ZNF804B: variants seen among roughly 807,000 people sequenced by gnomAD.
The protein encoded by ZNF804B is zinc finger protein 804B, also known as zinc finger 804B.
ZNF804B carries 80 observed loss-of-function variants against 101.4 expected under a neutral mutation model. The ratio of observed to expected loss-of-function variants is 0.79; its 90% CI spans 0.66 to 0.95. The LOEUF is 0.95. ZNF804B is among the 40% of genes least tolerant of loss of function. The pLI is 0.00. For synonymous variants in ZNF804B, 622 were observed against 558.8 expected, an observed-to-expected ratio of 1.11 and a Z score of -1.59; for missense variants, 1,673 against 1,561.9, an observed-to-expected ratio of 1.07 and a Z score of -1.20.
intron 1 of ZNF804B, among the ~76,000 whole-genome samples, chr7:89,128,504 T>C (rs1290858235): frequency 1.3e-5 from 2 of 152,008 alleles, no homozygotes; most frequent in African/African-American, 4.8e-5. Flanking sequence ...ACAAGAATGT[T>C]TTTTTCTTTC....
chr7:89,252,966 T>G (rs1394382782), intron 2 of ZNF804B, among the ~76,000 whole-genome samples: 1 of 152,190 alleles, frequency 6.6e-6, no homozygotes, highest in Non-Finnish European at 1.5e-5. Context: ...CCAAACCTCA[T>G]GTGTCAGATA....
In ZNF804B at chr7:88,891,538, C is replaced by T. The variant is rs180766740; in HGVS notation, c.108+131454C>T. Among the ~76,000 whole-genome samples the T allele has an allele frequency of 7.5e-4, 114 of 151,920 alleles. 1 individual carries two copies. Among genetic ancestry groups the T allele is most frequent in the Non-Finnish European group, 9.3e-4 (63 of 67,942 alleles). ...CTCTTTAACTTGAAGTATTTATTGC[C>T]TTTACCTCGTTTGAATTATAAATTT... On this transcript the variant is annotated intron_variant, in intron 1 of 3. Transcript: ENST00000333190.
At chr7:88,788,028 C>T (rs926298370) in intron 1 of ZNF804B, among the ~76,000 whole-genome samples, 2 of 151,884 alleles carry the variant, frequency 1.3e-5, no homozygotes, top group Admixed American at 6.6e-5. Context: ...ACTTAGCAGC[C>T]GTTTGGAGAG....
At chr7:89,038,188 G>A (rs1178797264) in intron 1 of ZNF804B, among the ~76,000 whole-genome samples, 1 of 152,120 alleles carries the variant, frequency 6.6e-6, no homozygotes, top group East Asian at 1.9e-4. Context: ...TACTTTAGAT[G>A]TATCCTCAGA....
rs1303497038 is a variant in ZNF804B at position 89,084,174 on chromosome 7, C to T, written c.109-133981C>T. On this transcript the variant is annotated intron_variant, in intron 1 of 3. Coordinates refer to ENST00000333190, the MANE Select transcript of ZNF804B (RefSeq NM_181646.5). The stretch of plus-strand genomic sequence containing the variant: ...GGATTTTCTCAACTGTAGCAATGCC[C>T]TGAGTTATGTGAGGAGTATGATTCT... Among the ~76,000 whole-genome samples, 3 of 151,864 alleles carry T rather than the reference C, an allele frequency of 2.0e-5. No homozygotes were observed. In the East Asian group the frequency reaches 5.8e-4, roughly 29 times the overall value.
intron 2 of ZNF804B, among the ~76,000 whole-genome samples, chr7:89,283,403 A>G (rs757757823): frequency 3.9e-5 from 6 of 152,158 alleles, no homozygotes; most frequent in Non-Finnish European, 8.8e-5. Flanking sequence ...AAAACTATAA[A>G]TGTGTATGTG....
intron 1 of ZNF804B, among the ~76,000 whole-genome samples, chr7:88,856,796 A>G (rs1223738256): frequency 6.6e-6 from 1 of 152,108 alleles, no homozygotes; most frequent in African/African-American, 2.4e-5. Context: ...TACCTAGTTT[A>G]TTGAGAGTTT....
intron 1 of ZNF804B, among the ~76,000 whole-genome samples, chr7:88,894,824 T>G (rs376496048): frequency 1.3e-5 from 2 of 152,018 alleles, no homozygotes; most frequent in African/African-American, 4.8e-5. Flanking sequence ...AAGATAAAAA[T>G]AGATCAGAGG....
chr7:88,845,334 A>G (rs1476946373), intron 1 of ZNF804B, among the ~76,000 whole-genome samples: 5 of 146,976 alleles, frequency 3.4e-5, no homozygotes, highest in African/African-American at 7.6e-5. Context: ...AACAACACAC[A>G]GTATACAAAA....
At chr7:89,008,608 T>A (rs1788406140) in intron 1 of ZNF804B, among the ~76,000 whole-genome samples, 1 of 152,306 alleles carries the variant, frequency 6.6e-6, no homozygotes, top group Non-Finnish European at 1.5e-5. Flanking sequence ...GGTGGCAGAC[T>A]TGGTTCTCTC....
intron 1 of ZNF804B, among the ~76,000 whole-genome samples, chr7:88,921,322 C>A (rs1407133649): frequency 6.6e-6 from 1 of 152,096 alleles, no homozygotes; most frequent in African/African-American, 2.4e-5. Flanking sequence ...TTGAGAGACA[C>A]AGGTGAATAG....
chr7:88,912,789 G>T (rs1399035417), intron 1 of ZNF804B, among the ~76,000 whole-genome samples: 2 of 152,064 alleles, frequency 1.3e-5, no homozygotes, highest in African/African-American at 4.8e-5. Flanking sequence ...TTACAGTGTG[G>T]ATTTTACTTT....
intron 1 of ZNF804B, among the ~76,000 whole-genome samples, chr7:88,787,605 A>G (rs1790321249): frequency 6.6e-6 from 1 of 152,194 alleles, no homozygotes; most frequent in Non-Finnish European, 1.5e-5. Context: ...AGATGTCACC[A>G]TATGATGGGA....
intron 1 of ZNF804B, among the ~76,000 whole-genome samples, chr7:89,127,929 AT>A (rs1362764352): frequency 2.0e-5 from 3 of 151,598 alleles, no homozygotes; most frequent in Non-Finnish European, 4.4e-5. Context: ...AAACTTCAGG[AT>A]TTTTTTCTAC....
chr7:88,962,708 CATATATATATATATATATATATATATAT>C (rs71120046), intron 1 of ZNF804B, among the ~76,000 whole-genome samples: 1 of 84,172 alleles, frequency 1.2e-5, no homozygotes, highest in East Asian at 2.6e-4. Flanking sequence ...GTTAAACTCA[CATATATATATATATATATATATATATAT>C]ATATATATAT....
intron 1 of ZNF804B, among the ~76,000 whole-genome samples, chr7:88,943,268 C>T (rs1350867788): frequency 6.6e-6 from 1 of 151,854 alleles, no homozygotes; most frequent in Non-Finnish European, 1.5e-5. Flanking sequence ...GCTTGTTACA[C>T]AGCAGCAGCC....
chr7:88,831,192 A>G (rs1410693135), intron 1 of ZNF804B, among the ~76,000 whole-genome samples: 1 of 151,930 alleles, frequency 6.6e-6, no homozygotes, highest in Non-Finnish European at 1.5e-5. Context: ...GGAAACAAAC[A>G]AACCTTACAG....
chr7:89,136,696 T>A (rs911291675), intron 1 of ZNF804B, among the ~76,000 whole-genome samples: 1 of 151,928 alleles, frequency 6.6e-6, no homozygotes, highest in East Asian at 2.0e-4. Context: ...TGTATCAGAA[T>A]TTTTTCTTTT....
intron 1 of ZNF804B, among the ~76,000 whole-genome samples, chr7:88,912,362 G>A (rs1792561203): frequency 6.6e-6 from 1 of 151,924 alleles, no homozygotes; most frequent in Non-Finnish European, 1.5e-5. Flanking sequence ...CTAATCTATG[G>A]CATGCCTATT....
Sources: allele counts gnomAD v4.1 joint callset (sites outside exome capture counted in the v4.1 genomes callset), GRCh38; gene constraint gnomAD v4.1.1; transcripts MANE v1.5; gene names NCBI Gene and HGNC (gene_info 2026-07-23, HGNC 2026-07-21).